Variants in DNAJC17 observed in about 807,000 individuals in gnomAD.
DNAJC17 encodes DnaJ heat shock protein family (Hsp40) member C17, also known as dnaJ homolog subfamily C member 17.
A neutral mutation model predicts 48.1 loss-of-function variants in DNAJC17; 35 were observed. The observed-to-expected ratio is 0.73, with a 90% CI of 0.56 to 0.96. The LOEUF (loss-of-function observed/expected upper bound fraction) is 0.96, where lower values mean the gene tolerates loss of function less well. DNAJC17 is among the 50% of genes least tolerant of loss of function. The probability of loss-of-function intolerance (pLI) is 0.00; values close to 1 mark genes in which losing one functional copy is unlikely to be tolerated. For synonymous variants in DNAJC17, 117 were observed against 142.7 expected, an observed-to-expected ratio of 0.82 and a Z score of 1.28; for missense variants, 355 against 377.1, an observed-to-expected ratio of 0.94 and a Z score of 0.48.
At chr15:40,804,328 C>G (rs2141966770) in intron 1 of DNAJC17, among the ~76,000 whole-genome samples, 1 of 151,970 alleles carries the variant, frequency 6.6e-6, no homozygotes, top group East Asian at 1.9e-4. Context: ...CCTGCAATCC[C>G]AGCACTCTGG....
At chr15:40,793,656 C>T (rs377416570) in intron 1 of DNAJC17, among the ~76,000 whole-genome samples, 2 of 151,822 alleles carry the variant, frequency 1.3e-5, no homozygotes, top group South Asian at 4.2e-4. Flanking sequence ...AAGCTGGGGG[C>T]GATTCATATT....
At chr15:40,806,973 C>G in intron 1 of DNAJC17, 1 of 402,862 alleles carries the variant, frequency 2.5e-6, no homozygotes, top group Non-Finnish European at 4.5e-6. Flanking sequence ...GTTCTAGGCT[C>G]TTAGTGGAAG....
In DNAJC17 at chr15:40,765,747, AG is replaced by A; in HGVS notation, c.*2192del. The A allele has an allele frequency of 1.6e-6, 1 of 610,498 alleles. No homozygotes were observed. The highest frequency in any genetic ancestry group is 2.9e-6 in the Non-Finnish European group (1 of 343,648). The allele number at this position is 610,498 out of a possible 1,614,324, so 37.8% of individuals were successfully genotyped here. On this transcript the variant is annotated 3_prime_UTR_variant, in exon 11 of 11. Transcript: ENST00000220496. ...TACCTGAACCTTACTCAGGGCTAGC[AG>A]GCAGGGGAGGAAGGACAGGCAAGAC...
intron 10 of DNAJC17, among the ~76,000 whole-genome samples, chr15:40,773,070 C>T (rs1300460404): frequency 6.6e-6 from 1 of 151,616 alleles, no homozygotes; most frequent in Non-Finnish European, 1.5e-5. Context: ...AAGCGATTCT[C>T]CTGCCTCAGC....
Position 40,769,330 on chromosome 15 carries a change from G to C in DNAJC17, c.793-1268C>G, listed in dbSNP as rs112514520. Among the ~76,000 whole-genome samples the C allele has an allele frequency of 1.3e-5, 2 of 152,202 alleles. No individual in the cohort carries two copies. Among genetic ancestry groups the C allele is most frequent in the Admixed American group, 6.5e-5 (1 of 15,290 alleles). ...AGCACAGCCAGGTAGGAGGCAACAC[G>C]GCCCGGCCTTCAGCAGCCGCTCTCC... On this transcript the variant is annotated intron_variant, in intron 10 of 10. Transcript: ENST00000220496. This position sits in a 1 kb window ranked among gnomAD's most constrained non-coding sequence, Gnocchi z 4.2.
intron 4 of DNAJC17, 128 bp from the exon 5 acceptor site, chr15:40,776,755 TC>T: frequency 1.2e-6 from 1 of 844,566 alleles, no homozygotes. Flanking sequence ...CTCTGCCCCC[TC>T]CCTCCATGCC....
intron 1 of DNAJC17, among the ~76,000 whole-genome samples, chr15:40,795,039 C>T (rs150461554): frequency 4.9e-3 from 751 of 151,954 alleles, no homozygotes; most frequent in Non-Finnish European, 7.5e-3. Flanking sequence ...TATTTTTAGC[C>T]GACTCTTGCT....
chr15:40,769,436 T>C lies in DNAJC17; in HGVS notation c.793-1374A>G, dbSNP rs2141943657. On this transcript the variant is annotated intron_variant, in intron 10 of 10. Coordinates refer to ENST00000220496, the MANE Select transcript of DNAJC17 (RefSeq NM_018163.3). This position sits in a 1 kb window ranked among gnomAD's most constrained non-coding sequence, Gnocchi z 4.2. ...GATGGCAGGCCAAGAGGAGGCCACATCTCCCATCCCCAGGTTAATGCTGCT... is the reference window on the plus strand; with the variant it reads ...GATGGCAGGCCAAGAGGAGGCCACACCTCCCATCCCCAGGTTAATGCTGCT... Among the ~76,000 whole-genome samples the C allele has an allele frequency of 6.6e-6, 1 of 152,280 alleles. No individual in the cohort carries two copies. The highest frequency in any genetic ancestry group is 2.1e-4 in the South Asian group (1 of 4,826).
chr15:40,795,343 G>A (rs1889919246), intron 1 of DNAJC17, among the ~76,000 whole-genome samples: 2 of 152,092 alleles, frequency 1.3e-5, no homozygotes, highest in South Asian at 2.1e-4. Context: ...AACTGCCAAC[G>A]TTAGCCTCTG....
chr15:40,787,374 C>T (rs568719044), intron 1 of DNAJC17, among the ~76,000 whole-genome samples: 78 of 152,274 alleles, frequency 5.1e-4, no homozygotes, highest in African/African-American at 1.8e-3. Flanking sequence ...AAAACACAAT[C>T]GGAAACCTCA....
chr15:40,765,814 G>A lies in DNAJC17; in HGVS notation c.*2126C>T. 4 of 1,486,336 alleles carry A rather than the reference G, an allele frequency of 2.7e-6. No individual in the cohort carries two copies. The South Asian group carries it at 3.7e-5, about 14-fold the overall frequency. The allele number at this position is 1,486,336 out of a possible 1,614,324, so 92.1% of individuals were successfully genotyped here. Reference sequence around the variant, plus strand: ...GGCAGCCAGCCAAGCAGCCACTGTGGCTTACCTTGCAGGAGGTGGGCCCCA... The same window carrying A: ...GGCAGCCAGCCAAGCAGCCACTGTGACTTACCTTGCAGGAGGTGGGCCCCA... On this transcript the variant is annotated 3_prime_UTR_variant, in exon 11 of 11. Coordinates refer to ENST00000220496, the MANE Select transcript of DNAJC17 (RefSeq NM_018163.3).
In DNAJC17 at chr15:40,766,029, C is replaced by T. The variant is rs1172475702; in HGVS notation, c.*1911G>A. On this transcript the variant is annotated 3_prime_UTR_variant, in exon 11 of 11. Coordinates refer to ENST00000220496, the MANE Select transcript of DNAJC17 (RefSeq NM_018163.3). ...GGGACAGGGCCCAGCATCAGAGCCC[C>T]CTGCCTGCATCCTGGGGCTCTGTTC... is the stretch of plus-strand genomic sequence containing the variant. 4.0e-6 allele frequency: 2 copies of T among 498,472 alleles called. No homozygotes were observed. Among genetic ancestry groups the T allele is most frequent in the Non-Finnish European group, 7.2e-6 (2 of 278,788 alleles). The allele number at this position is 498,472 out of a possible 1,614,324, so 30.9% of individuals were successfully genotyped here.
At chr15:40,776,903 G>A in intron 4 of DNAJC17, 1 of 408,334 alleles carries the variant, frequency 2.4e-6, no homozygotes, top group Non-Finnish European at 4.6e-6. Flanking sequence ...CAGGGTGTGG[G>A]TGGTGCTTAT....
intron 10 of DNAJC17, chr15:40,772,416 G>A (rs1482808672): frequency 2.4e-5 from 4 of 167,164 alleles, no homozygotes; most frequent in Non-Finnish European, 2.9e-5. Flanking sequence ...CCGAGCTGTG[G>A]ATACAGGAGA....
intron 1 of DNAJC17, among the ~76,000 whole-genome samples, chr15:40,797,676 T>C (rs1477723979): frequency 6.6e-6 from 1 of 150,856 alleles, no homozygotes; most frequent in Admixed American, 6.7e-5. Flanking sequence ...CCTCCCAAAG[T>C]GCTGGGATTA....
At chr15:40,771,280 A>C (rs1448915328) in intron 10 of DNAJC17, 2 of 528,940 alleles carry the variant, frequency 3.8e-6, no homozygotes, top group Non-Finnish European at 7.0e-6. Context: ...TCCTGGCAGG[A>C]CCCTGAAGAA....
chr15:40,793,043 C>T (rs1302698802), intron 1 of DNAJC17, among the ~76,000 whole-genome samples: 1 of 151,992 alleles, frequency 6.6e-6, no homozygotes, highest in African/African-American at 2.4e-5. Flanking sequence ...CAGGCACCCG[C>T]CACCACGCCT....
At chr15:40,768,083 A>G in intron 10 of DNAJC17, 21 bp from the exon 11 acceptor site, 1 of 1,522,648 alleles carries the variant, frequency 6.6e-7, no homozygotes, top group Non-Finnish European at 8.8e-7. Context: ...GGGCAGGGAC[A>G]GGGAGGGGTC....
intron 1 of DNAJC17, among the ~76,000 whole-genome samples, chr15:40,793,330 T>C (rs1388116838): frequency 1.3e-5 from 2 of 152,160 alleles, no homozygotes; most frequent in African/African-American, 4.8e-5. Context: ...ACCTCATTCA[T>C]TGCACCTCAG....
Sources: gnomAD v4.1 joint callset for allele counts (sites outside exome capture counted in the v4.1 genomes callset) on GRCh38, gnomAD v4.1.1 for gene constraint, Gnocchi (gnomAD v3.1) non-coding constraint, MANE v1.5 for transcripts, NCBI Gene and HGNC (gene_info 2026-07-23, HGNC 2026-07-21) for gene names.